GLMP: variants seen among roughly 807,000 people sequenced by gnomAD.
GLMP encodes kidney lysosomal membrane protein.
Under a neutral mutation model 39.2 loss-of-function variants are expected in GLMP, and 36 were observed. The observed-to-expected ratio is 0.92, with a 90% CI of 0.70 to 1.21. The LOEUF (loss-of-function observed/expected upper bound fraction) is 1.21, where lower values mean the gene tolerates loss of function less well. Among genes scored for constraint, GLMP ranks in the 50% most tolerant of loss-of-function variants. The pLI, the probability that GLMP is intolerant of heterozygous loss-of-function variation, is 0.00. For synonymous variants in GLMP, 220 were observed against 218.9 expected (o/e 1.01, Z -0.04); for missense variants, 454 against 505.6 (o/e 0.90, Z 0.98).
intron 1 of GLMP, 51 bp downstream of exon 1, chr1:156,295,475 C>T (rs1269351293): frequency 2.8e-6 from 4 of 1,445,894 alleles, no homozygotes; most frequent in Non-Finnish European, 3.6e-6. Context: ...AGCCACCCTG[C>T]AAGGGTAGCG....
intron 3 of GLMP, 37 bp downstream of exon 3, chr1:156,294,328 A>C: frequency 6.2e-7 from 1 of 1,609,474 alleles, no homozygotes; most frequent in Non-Finnish European, 8.5e-7. Flanking sequence ...CTCACAAATC[A>C]GCCTTTTTGA....
At position 156,293,379 on chromosome 1, in the gene GLMP, G is replaced by T; in HGVS notation, c.996C>A (p.Phe332Leu). 1.2e-6 allele frequency: 2 copies of T among 1,614,212 alleles called. No individual in the cohort carries two copies. Among genetic ancestry groups the T allele is most frequent in the Non-Finnish European group, 1.7e-6 (2 of 1,180,042 alleles). ...FFGSQNNFCA[F>L]NLTFGASTGP... Reference sequence around the variant, plus strand: ...CTGTGGAAGCCCCGAACGTCAGATTGAAGGCACAGAAGTTATTCTGGGACC... The same window carrying T: ...CTGTGGAAGCCCCGAACGTCAGATTTAAGGCACAGAAGTTATTCTGGGACC... Residue 332 changes from phenylalanine to leucine, a missense_variant, in exon 5 of 6, where the codon TTC (phenylalanine) becomes TTA (leucine). Phe to Leu is a conservative substitution (Grantham distance 22). Coordinates refer to ENST00000362007, the MANE Select transcript of GLMP (RefSeq NM_144580.3).
At chr1:156,295,262 A>G in intron 1 of GLMP, 1 of 1,328,994 alleles carries the variant, frequency 7.5e-7, no homozygotes, top group Non-Finnish European at 9.6e-7. Context: ...GGGTCAGGGC[A>G]CAGGGCTGCG....
At position 156,294,394 on chromosome 1, in the gene GLMP, T is replaced by C. The variant is rs2101605644; in HGVS notation, c.550A>G (p.Thr184Ala). The C allele has an allele frequency of 1.2e-6, 2 of 1,614,214 alleles. No homozygotes were observed. The highest frequency in any genetic ancestry group is 1.7e-6 in the Non-Finnish European group (2 of 1,180,032). Reference protein sequence around the residue: ...QGHPMNDPTRTFANGSLAFRV... With the variant: ...QGHPMNDPTRAFANGSLAFRV... ...AAGGCCAGGCTGCCATTGGCAAAAG[T>C]CCTGGTAGGGTCGTTCATGGGGTGG... The change falls in exon 3 of 6, where the codon ACT becomes GCT. Residue 184 changes from threonine (T) to alanine (A), a missense_variant. Coordinates refer to ENST00000362007, the MANE Select transcript of GLMP (RefSeq NM_144580.3).
At position 156,294,582 on chromosome 1, in the gene GLMP, G is replaced by C; in HGVS notation, c.379-17C>G. 1 of 1,613,492 alleles carries C rather than the reference G, an allele frequency of 6.2e-7. No individual in the cohort carries two copies. The highest frequency in any genetic ancestry group is 1.1e-5 in the South Asian group (1 of 91,040). On this transcript the variant is annotated splice_polypyrimidine_tract_variant and intron_variant, in intron 2 of 5. Transcript: ENST00000362007. ...CTCAAGCAGCTGGAGGGTGGGGGTA[G>C]GGTGGAACTGGGCTTGCCTCAGTTT...
chr1:156,293,151 C>T lies in GLMP; in HGVS notation c.1114G>A (p.Gly372Ser). The change falls in exon 6 of 6, where the codon GGC becomes AGC. Residue 372 changes from glycine to serine, a missense_variant. Gly to Ser is a moderately conservative substitution (Grantham distance 56). Transcript: ENST00000362007. ...GCACCCAGGGCCACTGCCATGATGC[C>T]CAGGACTAGTGGGGACAAGCCGTCC... ...PVDGLSPLVL[G>S]IMAVALGAPG... The T allele has an allele frequency of 6.2e-7, 1 of 1,614,032 alleles. No individual in the cohort carries two copies. Among genetic ancestry groups the T allele is most frequent in the Non-Finnish European group, 8.5e-7 (1 of 1,180,000 alleles).
intron 5 of GLMP, 52 bp downstream of exon 5, chr1:156,293,268 G>A: frequency 6.2e-7 from 1 of 1,612,152 alleles, no homozygotes; most frequent in Admixed American, 1.7e-5. Context: ...GGGAGGCTCA[G>A]CCTTTGTCCA....
rs759899314 is a variant in GLMP, at chr1:156,294,984, G to A, written c.153C>T (p.Gly51=). ...VSLEVIPNWL[G]PLQNLLHIRA... ...GTATATGAAGCAGGTTCTGCAGGGG[G>A]CCCAGCCAGTTAGGGATGACCTCCA... is the stretch of plus-strand genomic sequence containing the variant. Residue 51 remains glycine (G), a synonymous_variant, in exon 2 of 6, where the codon GGC becomes GGT. Transcript: ENST00000362007. 5 of 1,586,012 alleles carry A rather than the reference G, an allele frequency of 3.2e-6. No homozygotes were observed. In the South Asian group the frequency reaches 5.6e-5, roughly 18 times the overall value.
At position 156,295,304 on chromosome 1, in the gene GLMP, T is replaced by G. The variant is rs534180362; in HGVS notation, c.120+222A>C. The stretch of plus-strand genomic sequence containing the variant: ...AAAACATTCAACACTTGCCTGGACC[T>G]GGGTCACCCAGGGCTGAGTCGGGGT... On this transcript the variant is annotated intron_variant, in intron 1 of 5. Transcript: ENST00000362007. The G allele has an allele frequency of 1.3e-4, 180 of 1,352,124 alleles. 3 individuals carry two copies. The East Asian group carries it at 5.0e-3, about 38-fold the overall frequency. 83.8% of individuals were successfully genotyped at this position (1,352,124 alleles called of 1,614,324 possible).
chr1:156,295,440 C>G (rs1663567948), intron 1 of GLMP, 86 bp downstream of exon 1: 1 of 1,425,316 alleles, frequency 7.0e-7, no homozygotes, highest in South Asian at 1.5e-5. Flanking sequence ...CACCCTCCAC[C>G]CCTAGCCCCT....
intron 4 of GLMP, 185 bp downstream of exon 4, chr1:156,293,833 C>G: frequency 8.4e-7 from 1 of 1,195,984 alleles, no homozygotes; most frequent in Non-Finnish European, 1.2e-6. Context: ...GAGTGTAAGT[C>G]ATATTGCACT....
chr1:156,292,962 T>C lies in GLMP; in HGVS notation c.*82A>G. On this transcript the variant is annotated 3_prime_UTR_variant, in exon 6 of 6. Coordinates refer to ENST00000362007, the MANE Select transcript of GLMP (RefSeq NM_144580.3). The stretch of plus-strand genomic sequence containing the variant: ...AAGATGGGGGAGTGAAGGGGCCGGC[T>C]GGAACTTGATGCTCCAACCTCCAGA... 1 of 1,522,990 alleles carries C rather than the reference T, an allele frequency of 6.6e-7. No homozygotes were observed. The highest frequency in any genetic ancestry group is 2.0e-5 in the Admixed American group (1 of 49,886). The allele number at this position is 1,522,990 out of a possible 1,614,324, so 94.3% of individuals were successfully genotyped here.
chr1:156,294,864 G>T lies in GLMP; in HGVS notation c.273C>A (p.Thr91=). ...GCAGGAGGCTCCAGTTGACGCTCAG[G>T]GTGCTGTGGGGGGTGTTGGTGGCCA... is the stretch of plus-strand genomic sequence containing the variant. ...VMVATNTPHS[T]LSVNWSLLLS... Residue 91 remains threonine, a synonymous_variant, in exon 2 of 6, where the codon ACC becomes ACA. Coordinates refer to ENST00000362007, the MANE Select transcript of GLMP (RefSeq NM_144580.3). 1 of 1,611,746 alleles carries T rather than the reference G, an allele frequency of 6.2e-7. No individual in the cohort carries two copies. The highest frequency in any genetic ancestry group is 1.3e-5 in the African/African-American group (1 of 74,870).
chr1:156,295,541 C>A lies in GLMP; in HGVS notation c.105G>T (p.Gly35=). The stretch of plus-strand genomic sequence containing the variant: ...GGGCCCTCACCTGGCGGGTCTTCTC[C>A]CCCAGCAGGCCAAATGGGGCTGCAA... ...LLFAAPFGLL[G]EKTRQVSLEV... The change falls in exon 1 of 6, where the codon GGG becomes GGT. Residue 35 remains glycine (G), a synonymous_variant. Transcript: ENST00000362007. The A allele has an allele frequency of 6.5e-7, 1 of 1,529,042 alleles. No homozygotes were observed. Among genetic ancestry groups the A allele is most frequent in the Non-Finnish European group, 8.8e-7 (1 of 1,141,902 alleles). 94.7% of individuals were successfully genotyped at this position (1,529,042 alleles called of 1,614,324 possible).
chr1:156,293,861 G>A, intron 4 of GLMP, 157 bp downstream of exon 4: 1 of 1,194,106 alleles, frequency 8.4e-7, no homozygotes, highest in Non-Finnish European at 1.2e-6. Context: ...TGTCTCCACT[G>A]AGGGCAGAGA....
In GLMP at chr1:156,294,536, G is replaced by A. The variant is rs374408285; in HGVS notation, c.408C>T (p.Ser136=). 43 of 1,613,898 alleles carry A rather than the reference G, an allele frequency of 2.7e-5. No homozygotes were observed. The highest frequency in any genetic ancestry group is 6.6e-5 in the South Asian group (6 of 91,074). ...TTCCCAAAGGCTTTGCTGCCGTATC[G>A]GACACGTTGGTGCTGTCAAACTCAA... ...RLLEFDSTNV[S]DTAAKPLGRP... Residue 136 remains serine (S), a synonymous_variant, in exon 3 of 6, where the codon TCC becomes TCT. Coordinates refer to ENST00000362007, the MANE Select transcript of GLMP (RefSeq NM_144580.3).
intron 1 of GLMP, 21 bp downstream of exon 1, chr1:156,295,505 C>T (rs1253822797): frequency 1.3e-6 from 2 of 1,482,044 alleles, no homozygotes; most frequent in Non-Finnish European, 1.8e-6. Context: ...ACTTCTATCG[C>T]TGTAGCCCCA....
At chr1:156,295,123 G>A in intron 1 of GLMP, 107 bp from the exon 2 acceptor site, 1 of 1,062,458 alleles carries the variant, frequency 9.4e-7, no homozygotes. Flanking sequence ...ACAAAGGATG[G>A]GATTTTGGGG....
chr1:156,293,651 GC>G (rs750589422), intron 4 of GLMP, 75 bp from the exon 5 acceptor site: 1 of 1,589,762 alleles, frequency 6.3e-7, no homozygotes, highest in South Asian at 1.1e-5. Context: ...GCCACTCCCA[GC>G]CTTATTCTGT....
Sources: gnomAD v4.1 joint callset for allele counts on GRCh38, gnomAD v4.1.1 for gene constraint, MANE v1.5 for transcripts, NCBI Gene and HGNC (gene_info 2026-07-23, HGNC 2026-07-21) for gene names.